The following MED1 variants were observed in gnomAD, a reference collection of about 807,000 sequenced individuals.
MED1 encodes mediator of RNA polymerase II transcription subunit 1.
A neutral mutation model predicts 121.3 loss-of-function variants in MED1; 17 were observed. The ratio of observed to expected loss-of-function variants is 0.14; its 90% CI spans 0.10 to 0.21. The LOEUF (loss-of-function observed/expected upper bound fraction) is 0.21. Ranked by LOEUF, MED1 falls within the 10% of genes least tolerant of loss-of-function variation. MED1 has a pLI of 1.00. For synonymous variants in MED1, 661 were observed against 694.4 expected, an observed-to-expected ratio of 0.95 and a Z score of 0.76; for missense variants, 1,558 against 1,919.4, an observed-to-expected ratio of 0.81 and a Z score of 3.52.
chr17:39,408,442 G>A lies in MED1; in HGVS notation c.3779C>T (p.Pro1260Leu). ...GSSGSLSQKTPPSSNSCTASS... is the reference protein window; with the variant it reads ...GSSGSLSQKTLPSSNSCTASS... Reference sequence around the variant, plus strand: ...TGCCGTACAGGAATTAGATGATGGGGGAGTTTTCTGGGACAACGAGCCTGA... The same window carrying A: ...TGCCGTACAGGAATTAGATGATGGGAGAGTTTTCTGGGACAACGAGCCTGA... The change falls in exon 17 of 17, where the codon CCC (proline) becomes CTC (leucine). Residue 1260 changes from proline (P) to leucine (L), a missense_variant. Physicochemically the swap from Pro to Leu is moderately conservative, Grantham distance 98 (BLOSUM62 -3). Around this residue, in one of 5 missense-constraint regions of MED1, gnomAD observed 793 missense variants for 898.2 expected, o/e 0.88. Coordinates refer to ENST00000300651, the MANE Select transcript of MED1 (RefSeq NM_004774.4). This position sits in a 1 kb window ranked among gnomAD's most constrained non-coding sequence, Gnocchi z 4.7. 1 of 1,614,166 alleles carries A rather than the reference G, an allele frequency of 6.2e-7. No individual in the cohort carries two copies. The highest frequency in any genetic ancestry group is 8.5e-7 in the Non-Finnish European group (1 of 1,180,042).
chr17:39,437,764 G>A (rs1460251457), intron 6 of MED1, among the ~76,000 whole-genome samples: 2 of 151,796 alleles, frequency 1.3e-5, no homozygotes, highest in African/African-American at 2.4e-5. Flanking sequence ...GTGAAACCCC[G>A]TCTCTACTGA....
rs2048307472 is a variant in MED1, at chr17:39,406,851, T to G, written c.*624A>C. The stretch of plus-strand genomic sequence containing the variant: ...CTCATAGATTTAGAACGAAACACTG[T>G]ATAAAAACAAACAGATAAAGGGTTA... On this transcript the variant is annotated 3_prime_UTR_variant, in exon 17 of 17. Transcript: ENST00000300651. The G allele has an allele frequency of 7.1e-6, 7 of 985,422 alleles. No homozygotes were observed. Among genetic ancestry groups the G allele is most frequent in the Non-Finnish European group, 8.4e-6 (7 of 829,884 alleles). The allele number at this position is 985,422 out of a possible 1,614,324, so 61.0% of individuals were successfully genotyped here. A position where few individuals can be genotyped will look rare whatever the true frequency, so the allele number is the denominator to read the frequency against.
At chr17:39,429,185 C>T (rs112260980) in intron 9 of MED1, among the ~76,000 whole-genome samples, 1,624 of 150,916 alleles carry the variant, frequency 0.011, 26 homozygotes, top group African/African-American at 0.037. Flanking sequence ...ACCCCCATCT[C>T]TAAAAAAATT....
intron 6 of MED1, among the ~76,000 whole-genome samples, chr17:39,435,942 G>A (rs553354069): frequency 2.5e-4 from 38 of 152,202 alleles, no homozygotes; most frequent in Admixed American, 1.5e-3. Flanking sequence ...CATAATGGCA[G>A]GTACCCATAA....
At chr17:39,428,329 A>G (rs2048534027) in intron 9 of MED1, among the ~76,000 whole-genome samples, 2 of 152,162 alleles carry the variant, frequency 1.3e-5, no homozygotes, top group Admixed American at 1.3e-4. Flanking sequence ...CTAAAAATAC[A>G]AAAAACTAGC....
chr17:39,427,150 A>T (rs1324547819), intron 10 of MED1, among the ~76,000 whole-genome samples: 1 of 151,990 alleles, frequency 6.6e-6, no homozygotes, highest in African/African-American at 2.4e-5. Flanking sequence ...ATCTCTTCTT[A>T]TGAGTTGCTC....
In MED1 at chr17:39,451,096, A is replaced by G; in HGVS notation, c.-34T>C. On this transcript the variant is annotated 5_prime_UTR_variant, in exon 1 of 17. Coordinates refer to ENST00000300651, the MANE Select transcript of MED1 (RefSeq NM_004774.4). ...CGAGGAGAAGCTAGATCCGCCACAAAAGGATAAGCCCTTCCCCACCACTAA... is the reference window on the plus strand; with the variant it reads ...CGAGGAGAAGCTAGATCCGCCACAAGAGGATAAGCCCTTCCCCACCACTAA... The G allele has an allele frequency of 6.2e-7, 1 of 1,609,306 alleles. No individual in the cohort carries two copies. The highest frequency in any genetic ancestry group is 8.5e-7 in the Non-Finnish European group (1 of 1,177,982).
At chr17:39,441,122 T>C (rs1360454882) in intron 3 of MED1, among the ~76,000 whole-genome samples, 1 of 152,194 alleles carries the variant, frequency 6.6e-6, no homozygotes, top group East Asian at 1.9e-4. Flanking sequence ...AGGAGTATTT[T>C]TCAACCTTAA....
rs1247800610 is a variant in MED1, at chr17:39,440,107, AAAAG to A, written c.399+275_399+278del. ...AAGCAAGCAAGAAAGAAAGAAAGAA[AAAAG>A]AAAGAAAAGAAAGAAAGGAAGGAAG... On this transcript the variant is annotated intron_variant, in intron 5 of 16. Coordinates refer to ENST00000300651, the MANE Select transcript of MED1 (RefSeq NM_004774.4). This position sits in a 1 kb window ranked among gnomAD's most constrained non-coding sequence, Gnocchi z 4.1. Among the ~76,000 whole-genome samples, 9 of 151,538 alleles carry A rather than the reference AAAAG, an allele frequency of 5.9e-5. No individual in the cohort carries two copies. The highest frequency in any genetic ancestry group is 5.8e-4 in the East Asian group (3 of 5,166).
chr17:39,407,383 A>T lies in MED1; in HGVS notation c.*92T>A. ...CATTTAGGATTCTTAACCAAATCAGACCTGTCTGACTCACCCCTTATGGTG... is the reference window on the plus strand; with the variant it reads ...CATTTAGGATTCTTAACCAAATCAGTCCTGTCTGACTCACCCCTTATGGTG... On this transcript the variant is annotated 3_prime_UTR_variant, in exon 17 of 17. Transcript: ENST00000300651. The T allele has an allele frequency of 6.8e-7, 1 of 1,463,082 alleles. No homozygotes were observed. The highest frequency in any genetic ancestry group is 1.5e-5 in the South Asian group (1 of 67,618). The allele number at this position is 1,463,082 out of a possible 1,614,324, so 90.6% of individuals were successfully genotyped here.
intron 1 of MED1, among the ~76,000 whole-genome samples, chr17:39,450,180 G>T (rs6503515): frequency 0.63 from 95,467 of 151,572 alleles, 32,757 homozygotes; most frequent in South Asian, 0.89. Flanking sequence ...GAACTCCTGG[G>T]CTCCAGGGAT....
intron 8 of MED1, 49 bp downstream of exon 8, chr17:39,431,893 A>G (rs1483147367): frequency 7.4e-7 from 1 of 1,350,552 alleles, no homozygotes; most frequent in African/African-American, 1.4e-5. Flanking sequence ...TAATCTCCCC[A>G]GAGAAAAACT....
At position 39,434,228 on chromosome 17, in the gene MED1, AAAAAT is replaced by A. The variant is rs762879207; in HGVS notation, c.500+16_500+20del. 1.0e-5 allele frequency: 15 copies of A among 1,493,082 alleles called. No homozygotes were observed. The allele number at this position is 1,493,082 out of a possible 1,614,324, so 92.5% of individuals were successfully genotyped here. A position where few individuals can be genotyped will look rare whatever the true frequency, so the allele number is the denominator to read the frequency against. On this transcript the variant is annotated intron_variant, in intron 7 of 16. Transcript: ENST00000300651. ...TATACTGATTTTTACAAACAAAAGC[AAAAAT>A]ATTAAAAATACTTACTTGTCCCCTG... is the stretch of plus-strand genomic sequence containing the variant.
intron 10 of MED1, among the ~76,000 whole-genome samples, chr17:39,427,213 G>A (rs932027681): frequency 2.0e-5 from 3 of 151,736 alleles, no homozygotes; most frequent in Middle Eastern, 3.4e-3. Context: ...ATGGAGTCTC[G>A]CTCTGTCACC....
chr17:39,412,163 TTA>T (rs1293124857), intron 16 of MED1, among the ~76,000 whole-genome samples: 1 of 152,062 alleles, frequency 6.6e-6, no homozygotes, highest in Non-Finnish European at 1.5e-5. Context: ...CCAGATAAAT[TTA>T]TATTCATAAA....
At chr17:39,420,700 T>A (rs1268589103) in intron 13 of MED1, among the ~76,000 whole-genome samples, 1 of 151,670 alleles carries the variant, frequency 6.6e-6, no homozygotes, top group Non-Finnish European at 1.5e-5. Context: ...AATTGTGCAA[T>A]CTTGGCTCAT....
In MED1 at chr17:39,424,650, C is replaced by T. The variant is rs2048497431; in HGVS notation, c.828G>A (p.Gly276=). The change falls in exon 11 of 17, where the codon GGG becomes GGA. Residue 276 remains glycine (G), a synonymous_variant. Transcript: ENST00000300651. ...ACCATTTATTGTCAACTGGATGTGA[C>T]CCCATAATTAATGGTGCAATTGGGA... ...YKLPIAPLIM[G]SHPVDNKWTP... The T allele has an allele frequency of 1.0e-5, 16 of 1,598,984 alleles. No individual in the cohort carries two copies. The highest frequency in any genetic ancestry group is 1.3e-5 in the Non-Finnish European group (15 of 1,170,132).
Position 39,406,985 on chromosome 17 carries a change from C to T in MED1, c.*490G>A, listed in dbSNP as rs1285086989. On this transcript the variant is annotated 3_prime_UTR_variant, in exon 17 of 17. Coordinates refer to ENST00000300651, the MANE Select transcript of MED1 (RefSeq NM_004774.4). ...CAAAATGACCAAAGTCCTTCATTTG[C>T]CCATGACTCAAACGGACAACTACCT... 1 of 986,550 alleles carries T rather than the reference C, an allele frequency of 1.0e-6. No individual in the cohort carries two copies. Among genetic ancestry groups the T allele is most frequent in the African/African-American group, 1.7e-5 (1 of 57,340 alleles). The allele number at this position is 986,550 out of a possible 1,614,324, so 61.1% of individuals were successfully genotyped here.
Position 39,431,932 on chromosome 17 carries a change from G to C in MED1, c.575+10C>G, listed in dbSNP as rs781599978. 1.5e-5 allele frequency: 23 copies of C among 1,571,716 alleles called. No homozygotes were observed. The East Asian group carries it at 5.2e-4, about 35-fold the overall frequency. ...GGGATCATGTAGAATTAAGGTTTTA[G>C]CAGTCTTACCAGTACATAATTGCCA... On this transcript the variant is annotated intron_variant, in intron 8 of 16. Coordinates refer to ENST00000300651, the MANE Select transcript of MED1 (RefSeq NM_004774.4).
Sources: allele counts gnomAD v4.1 joint callset (sites outside exome capture counted in the v4.1 genomes callset), GRCh38; gene constraint gnomAD v4.1.1; regional missense constraint gnomAD v4.1.1; non-coding constraint Gnocchi (gnomAD v3.1); transcripts MANE v1.5; gene names NCBI Gene and HGNC (gene_info 2026-07-23, HGNC 2026-07-21).